KIAA1217: variants seen among roughly 807,000 people sequenced by gnomAD.
KIAA1217 encodes KIAA1217.
Under a neutral mutation model 163.9 loss-of-function variants are expected in KIAA1217, and 88 were observed. That is an observed-to-expected ratio of 0.54 (90% CI 0.45 to 0.64). The LOEUF (loss-of-function observed/expected upper bound fraction) is 0.64. Ranked by LOEUF, KIAA1217 falls within the 30% of genes least tolerant of loss-of-function variation. The probability of loss-of-function intolerance (pLI) is 0.00; values close to 1 mark genes in which losing one functional copy is unlikely to be tolerated. For synonymous variants in KIAA1217, 903 were observed against 923.1 expected, an observed-to-expected ratio of 0.98 and a Z score of 0.39; for missense variants, 2,372 against 2,475.0, an observed-to-expected ratio of 0.96 and a Z score of 0.88.
At chr10:24,179,198 A>G (rs1589796277) in intron 2 of KIAA1217, among the ~76,000 whole-genome samples, 1 of 152,340 alleles carries the variant, frequency 6.6e-6, no homozygotes, top group African/African-American at 2.4e-5. Context: ...GTGACAAGAC[A>G]AAGTAAAAGG....
intron 1 of KIAA1217, among the ~76,000 whole-genome samples, chr10:23,858,315 T>C (rs1002317360): frequency 6.6e-6 from 1 of 152,148 alleles, no homozygotes; most frequent in African/African-American, 2.4e-5. Flanking sequence ...CCCAGCATGA[T>C]GACAGTTGTA....
chr10:24,395,854 G>GTTA (rs2055664881), intron 3 of KIAA1217, among the ~76,000 whole-genome samples: 1 of 152,194 alleles, frequency 6.6e-6, no homozygotes, highest in African/African-American at 2.4e-5. Context: ...TGTTGTTGTT[G>GTTA]TTAATTTTGT....
intron 1 of KIAA1217, among the ~76,000 whole-genome samples, chr10:23,737,612 C>CA (rs1345962200): frequency 6.6e-6 from 1 of 151,928 alleles, no homozygotes; most frequent in Non-Finnish European, 1.5e-5. Context: ...GAATTTTACA[C>CA]AAAAAATTAT....
intron 1 of KIAA1217, among the ~76,000 whole-genome samples, chr10:23,882,473 G>T (rs1006491401): frequency 1.3e-5 from 2 of 151,752 alleles, no homozygotes; most frequent in African/African-American, 2.4e-5. Context: ...ATGGTGGTTG[G>T]GAAACACGGT....
intron 2 of KIAA1217, among the ~76,000 whole-genome samples, chr10:24,175,744 T>C (rs1451860041): frequency 6.6e-6 from 1 of 152,160 alleles, no homozygotes; most frequent in African/African-American, 2.4e-5. Flanking sequence ...CTTGCTAGCT[T>C]CAGGAGTGAG....
At chr10:24,125,322 CTGTGTGTGTGTGTGTGTGTG>C (rs58143239) in intron 2 of KIAA1217, among the ~76,000 whole-genome samples, 7 of 143,720 alleles carry the variant, frequency 4.9e-5, no homozygotes, top group Non-Finnish European at 7.6e-5. Flanking sequence ...ATCCTATGCT[CTGTGTGTGTGTGTGTGTGTG>C]TGTGTGTGTG....
At chr10:24,075,440 C>T (rs1293564375) in intron 2 of KIAA1217, among the ~76,000 whole-genome samples, 1 of 151,780 alleles carries the variant, frequency 6.6e-6, no homozygotes, top group Non-Finnish European at 1.5e-5. Context: ...TTTTCCTTTC[C>T]TTAATTGCTG....
Position 24,473,892 on chromosome 10 carries a change from C to A in KIAA1217, c.1511C>A (p.Ala504Asp), listed in dbSNP as rs1167662380. The A allele has an allele frequency of 6.2e-7, 1 of 1,614,056 alleles. No individual in the cohort carries two copies. Among genetic ancestry groups the A allele is most frequent in the Non-Finnish European group, 8.5e-7 (1 of 1,180,042 alleles). ...GPPHTMQPDRASPSRQAFKKE... is the reference protein window; with the variant it reads ...GPPHTMQPDRDSPSRQAFKKE... Reference sequence around the variant, plus strand: ...CCTCACACCATGCAGCCAGACCGGGCCTCTCCGAGCCGCCAGGCCTTTAAA... The same window carrying A: ...CCTCACACCATGCAGCCAGACCGGGACTCTCCGAGCCGCCAGGCCTTTAAA... Residue 504 changes from alanine to aspartate, a missense_variant, in exon 6 of 21, where the codon GCC becomes GAC. By Grantham distance (126) the Ala-to-Asp change is moderately radical. Transcript: ENST00000376454.
At chr10:23,767,403 A>G (rs1834588161) in intron 1 of KIAA1217, among the ~76,000 whole-genome samples, 1 of 152,090 alleles carries the variant, frequency 6.6e-6, no homozygotes, top group African/African-American at 2.4e-5. Flanking sequence ...CCAGATGAGA[A>G]ATTCTGGAGT....
chr10:24,045,955 A>G (rs1182691971), intron 2 of KIAA1217, among the ~76,000 whole-genome samples: 1 of 152,142 alleles, frequency 6.6e-6, no homozygotes, highest in Non-Finnish European at 1.5e-5. Context: ...ATGGAAAGTG[A>G]ATGTTGAAGT....
chr10:23,849,052 G>A (rs12256627), intron 1 of KIAA1217, among the ~76,000 whole-genome samples: 2,719 of 152,174 alleles, frequency 0.018, 110 homozygotes, highest in African/African-American at 0.061. Context: ...AGTGCTCAGA[G>A]AGTATGTTAG....
intron 1 of KIAA1217, among the ~76,000 whole-genome samples, chr10:23,837,715 A>T (rs929440096): frequency 1.3e-5 from 2 of 151,500 alleles, no homozygotes; most frequent in Non-Finnish European, 2.9e-5. Context: ...GTTGTTGTTT[A>T]TTTTTTTTAG....
chr10:24,441,393 C>T (rs1298447005), intron 5 of KIAA1217, among the ~76,000 whole-genome samples: 1 of 152,118 alleles, frequency 6.6e-6, no homozygotes, highest in African/African-American at 2.4e-5. Context: ...TGAGACTTTC[C>T]TTAACCAATG....
intron 2 of KIAA1217, among the ~76,000 whole-genome samples, chr10:24,252,992 A>G (rs986236552): frequency 1.2e-5 from 1 of 83,080 alleles, no homozygotes; most frequent in African/African-American, 4.3e-5. Context: ...GCCTCTACAA[A>G]TAATTAAAAA....
chr10:24,495,118 A>C (rs1251556765), intron 7 of KIAA1217, 29 bp from the exon 8 acceptor site: 1 of 1,595,900 alleles, frequency 6.3e-7, no homozygotes, highest in Admixed American at 1.8e-5. Context: ...TGGAAACTGC[A>C]TAGCTGACTC....
At chr10:23,911,214 GC>G in intron 1 of KIAA1217, among the ~76,000 whole-genome samples, 1 of 152,210 alleles carries the variant, frequency 6.6e-6, no homozygotes, top group Non-Finnish European at 1.5e-5. Context: ...AAGTCACTGG[GC>G]CCCAAATTCA....
At chr10:24,217,861 T>A (rs912919424) in intron 1 of KIAA1217, among the ~76,000 whole-genome samples, 4 of 152,194 alleles carry the variant, frequency 2.6e-5, no homozygotes, top group Admixed American at 2.6e-4. Flanking sequence ...AGAATAGTTT[T>A]AAAAGATTTA....
chr10:23,843,755 ATG>A (rs1279243707), intron 1 of KIAA1217, among the ~76,000 whole-genome samples: 2 of 152,154 alleles, frequency 1.3e-5, no homozygotes, highest in Non-Finnish European at 2.9e-5. Flanking sequence ...GCGAAAACCT[ATG>A]TAAGTTTCTT....
At chr10:23,743,271 G>A (rs1433113871) in intron 1 of KIAA1217, among the ~76,000 whole-genome samples, 1 of 151,560 alleles carries the variant, frequency 6.6e-6, no homozygotes, top group Non-Finnish European at 1.5e-5. Flanking sequence ...GTTTACGGTA[G>A]TTCTTACCAC....
Sources: gnomAD v4.1 joint callset for allele counts (sites outside exome capture counted in the v4.1 genomes callset) on GRCh38, gnomAD v4.1.1 for gene constraint, MANE v1.5 for transcripts, NCBI Gene and HGNC (gene_info 2026-07-23, HGNC 2026-07-21) for gene names.